The following ATP11A variants were observed in gnomAD, a reference collection of about 807,000 sequenced individuals.
The protein encoded by ATP11A is ATPase phospholipid transporting 11A.
In ATP11A, 81 loss-of-function variants were observed where a neutral mutation model predicts 154.4. That is an observed-to-expected ratio of 0.52 (90% CI 0.44 to 0.63). The LOEUF (loss-of-function observed/expected upper bound fraction) is 0.63, where lower values mean the gene tolerates loss of function less well. ATP11A is among the 30% of genes least tolerant of loss of function. The probability of loss-of-function intolerance (pLI) is 0.00; values close to 1 mark genes in which losing one functional copy is unlikely to be tolerated. For missense variants in ATP11A, 1,316 were observed against 1,474.3 expected (o/e 0.89, Z 1.76); for synonymous variants, 623 against 585.9 (o/e 1.06, Z -0.91).
intron 1 of ATP11A, among the ~76,000 whole-genome samples, chr13:112,737,301 T>C (rs1442030575): frequency 6.6e-6 from 1 of 152,194 alleles, no homozygotes; most frequent in Non-Finnish European, 1.5e-5. Flanking sequence ...ATGCTGTGTT[T>C]CTTGGCCCTG....
Position 112,755,118 on chromosome 13 carries a change from A to C in ATP11A, c.40-30017A>C, listed in dbSNP as rs535591356. 2.6e-5 allele frequency among the ~76,000 whole-genome samples: 4 copies of C among 152,256 alleles called. No homozygotes were observed. In the South Asian group the frequency reaches 8.3e-4, roughly 32 times the overall value. On this transcript the variant is annotated intron_variant, in intron 1 of 29. Transcript: ENST00000375645. ...GTGGACGAGGAAATTGTACTTTCCG[A>C]ACATTTTCACGTGTCCCCAAACAGT...
chr13:112,824,109 T>C (rs906492775), intron 9 of ATP11A, among the ~76,000 whole-genome samples: 4 of 152,228 alleles, frequency 2.6e-5, no homozygotes, highest in African/African-American at 9.6e-5. Flanking sequence ...GCCCAGTGTA[T>C]ATTAAGATAT....
rs2079448344 is a variant in ATP11A at position 112,842,397 on chromosome 13, G to A, written c.1809+18G>A. The A allele has an allele frequency of 6.3e-7, 1 of 1,576,864 alleles. No homozygotes were observed. Among genetic ancestry groups the A allele is most frequent in the Non-Finnish European group, 8.6e-7 (1 of 1,156,388 alleles). The stretch of plus-strand genomic sequence containing the variant: ...ACGCAGTGGTGAGAGCCGGGCTGGG[G>A]AGGGCCTCGTGGCGGTCAGCTCCCC... On this transcript the variant is annotated intron_variant, in intron 17 of 29. Coordinates refer to ENST00000375645, the MANE Select transcript of ATP11A (RefSeq NM_015205.3).
intron 2 of ATP11A, among the ~76,000 whole-genome samples, chr13:112,802,398 G>A (rs2078161678): frequency 6.6e-6 from 1 of 151,956 alleles, no homozygotes; most frequent in Admixed American, 6.6e-5. Context: ...ATCATAGAGA[G>A]CCTGGGAGTA....
chr13:112,819,646 G>A (rs1174374323), intron 7 of ATP11A, among the ~76,000 whole-genome samples: 5 of 150,826 alleles, frequency 3.3e-5, no homozygotes, highest in African/African-American at 1.2e-4. Context: ...ATATTTGTGG[G>A]AAAAAAAAAG....
chr13:112,792,732 A>G (rs762693625), intron 2 of ATP11A, among the ~76,000 whole-genome samples: 117 of 152,296 alleles, frequency 7.7e-4, no homozygotes, highest in Non-Finnish European at 1.3e-3. Context: ...TGTGCTGTGC[A>G]GAGCTCCCCC....
intron 12 of ATP11A, 139 bp from the exon 13 acceptor site, chr13:112,831,236 C>T: frequency 2.1e-6 from 2 of 946,534 alleles, no homozygotes; most frequent in Middle Eastern, 3.2e-4. Flanking sequence ...GGGGGTCTGT[C>T]TGGGGGAAAG....
In ATP11A at chr13:112,803,587, C is replaced by T. The variant is rs185193132; in HGVS notation, c.163-1370C>T. On this transcript the variant is annotated intron_variant, in intron 2 of 29. Coordinates refer to ENST00000375645, the MANE Select transcript of ATP11A (RefSeq NM_015205.3). ...CAGTGAAGGTTCGTGACATCTGGGA[C>T]GTTGTTGTTTTCAACACAGAAGTTG... is the stretch of plus-strand genomic sequence containing the variant. Among the ~76,000 whole-genome samples the T allele has an allele frequency of 1.7e-3, 263 of 152,156 alleles. 8 individuals carry two copies. The East Asian group carries it at 0.044, about 26-fold the overall frequency.
intron 1 of ATP11A, among the ~76,000 whole-genome samples, chr13:112,757,495 C>G (rs573379000): frequency 6.6e-6 from 1 of 152,240 alleles, no homozygotes; most frequent in Non-Finnish European, 1.5e-5. Context: ...TTCTCTATTT[C>G]CACATTTTAC....
At chr13:112,769,505 C>T (rs1457135608) in intron 1 of ATP11A, among the ~76,000 whole-genome samples, 1 of 152,232 alleles carries the variant, frequency 6.6e-6, no homozygotes, top group Non-Finnish European at 1.5e-5. Flanking sequence ...CTCTTCTGCA[C>T]ACTGGAGCAG....
In ATP11A at chr13:112,819,414, G is replaced by A. The variant is rs1370744958; in HGVS notation, c.674+7G>A. On this transcript the variant is annotated splice_region_variant and intron_variant, in intron 7 of 29. Coordinates refer to ENST00000375645, the MANE Select transcript of ATP11A (RefSeq NM_015205.3). ...CCCAGCCCGACCTCTACAAGTAAGC[G>A]GGAGCTTTGGGTTCTTTAGAAACGG... The A allele has an allele frequency of 6.8e-6, 11 of 1,613,766 alleles. No homozygotes were observed. The highest frequency in any genetic ancestry group is 1.6e-4 in the Middle Eastern group (1 of 6,082).
At chr13:112,817,611 A>AC (rs2078680307) in intron 6 of ATP11A, among the ~76,000 whole-genome samples, 1 of 152,132 alleles carries the variant, frequency 6.6e-6, no homozygotes, top group Non-Finnish European at 1.5e-5. Context: ...CGCTGCCTTT[A>AC]CACCCCTTCC....
chr13:112,875,815 C>G lies in ATP11A; in HGVS notation c.3201C>G (p.Ile1067Met), dbSNP rs143014855. 162 of 1,614,026 alleles carry G rather than the reference C, an allele frequency of 1.0e-4. No individual in the cohort carries two copies. The African/African-American group carries it at 1.9e-3, about 19-fold the overall frequency. The change falls in exon 28 of 30, where the codon ATC becomes ATG. Residue 1067 changes from isoleucine (I) to methionine (M), a missense_variant. By Grantham distance (10) the Ile-to-Met change is conservative (BLOSUM62 1). Around this residue, in one of 5 missense-constraint regions of ATP11A, gnomAD observed 294 missense variants for 290.2 expected, o/e 1.01. Coordinates refer to ENST00000375645, the MANE Select transcript of ATP11A (RefSeq NM_015205.3). The surrounding 1 kb of genome is among the most constrained non-coding windows in gnomAD (Gnocchi z 4.1). Reference protein sequence around the residue: ...LNYQRMYYVFIQMLSSGPAWL... With the variant: ...LNYQRMYYVFMQMLSSGPAWL... ...ACCAGAGGATGTACTACGTGTTCAT[C>G]CAGATGCTGTCCAGCGGGCCCGCCT... is the stretch of plus-strand genomic sequence containing the variant.
intron 5 of ATP11A, chr13:112,812,124 TA>T (rs2078518909): frequency 6.6e-6 from 1 of 152,210 alleles, no homozygotes; most frequent in Admixed American, 6.5e-5. Flanking sequence ...AATATCTCAA[TA>T]TGTTTCAAAA....
intron 10 of ATP11A, 53 bp downstream of exon 10, chr13:112,824,478 G>A (rs1011022341): frequency 7.8e-6 from 12 of 1,542,554 alleles, no homozygotes; most frequent in Middle Eastern, 3.4e-4. Context: ...ATTACCCACT[G>A]TAGAAATGGA....
At chr13:112,845,741 G>A (rs1440706861) in intron 17 of ATP11A, among the ~76,000 whole-genome samples, 6 of 121,888 alleles carry the variant, frequency 4.9e-5, no homozygotes, top group African/African-American at 2.4e-4. Flanking sequence ...CCAGGCACTA[G>A]CGGTACTAAC....
At chr13:112,731,256 A>T (rs1236496240) in intron 1 of ATP11A, among the ~76,000 whole-genome samples, 1 of 152,204 alleles carries the variant, frequency 6.6e-6, no homozygotes, top group Non-Finnish European at 1.5e-5. Flanking sequence ...GGCATGAGCT[A>T]CTGTGTCCGG....
At chr13:112,840,980 G>T (rs1049500662) in intron 16 of ATP11A, among the ~76,000 whole-genome samples, 1 of 152,224 alleles carries the variant, frequency 6.6e-6, no homozygotes, top group South Asian at 2.1e-4. Flanking sequence ...GCTCTGCCCC[G>T]CCAGGAGCTG....
intron 1 of ATP11A, among the ~76,000 whole-genome samples, chr13:112,699,375 A>G (rs774548416): frequency 2.0e-5 from 3 of 152,160 alleles, no homozygotes; most frequent in Non-Finnish European, 4.4e-5. Context: ...GAACCAGATC[A>G]CTTCTTGGAA....
Sources: gnomAD v4.1 joint callset for allele counts (sites outside exome capture counted in the v4.1 genomes callset) on GRCh38, gnomAD v4.1.1 for gene constraint, gnomAD v4.1.1 regional missense constraint, Gnocchi (gnomAD v3.1) non-coding constraint, MANE v1.5 for transcripts, NCBI Gene and HGNC (gene_info 2026-07-23, HGNC 2026-07-21) for gene names.